Variants in SSBP3 observed in about 807,000 individuals in gnomAD.
SSBP3 encodes single stranded DNA binding protein 3.
In SSBP3, 5 loss-of-function variants were observed where a neutral mutation model predicts 69.6. The ratio of observed to expected loss-of-function variants is 0.07; its 90% CI spans 0.04 to 0.15. The LOEUF (loss-of-function observed/expected upper bound fraction) is 0.15, where lower values mean the gene tolerates loss of function less well. SSBP3 is among the 10% of genes least tolerant of loss of function. The pLI is 1.00. For synonymous variants in SSBP3, 196 were observed against 193.4 expected (o/e 1.01, Z -0.11); for missense variants, 312 against 534.0 (o/e 0.58, Z 4.10).
chr1:54,291,359 A>G (rs915354983), intron 4 of SSBP3, among the ~76,000 whole-genome samples: 2 of 152,134 alleles, frequency 1.3e-5, no homozygotes, highest in Non-Finnish European at 2.9e-5. Context: ...GAAGGGGCGC[A>G]TAATTCAAAC....
rs377297815 is a variant in SSBP3 at position 54,353,285 on chromosome 1, T to G, written c.276+48576A>C. 3.9e-5 allele frequency among the ~76,000 whole-genome samples: 6 copies of G among 152,284 alleles called. No individual in the cohort carries two copies. The East Asian group carries it at 1.2e-3, about 29-fold the overall frequency. ...TTCTTTCCGTCGAAATCAGGCCCAT[T>G]GCGAGGGGAAAAACTGCAGGCCAAA... On this transcript the variant is annotated intron_variant, in intron 4 of 17. Coordinates refer to ENST00000610401, the Ensembl canonical transcript of SSBP3.
chr1:54,262,028 C>A (rs1645024928), intron 5 of SSBP3, among the ~76,000 whole-genome samples: 1 of 152,200 alleles, frequency 6.6e-6, no homozygotes, highest in Admixed American at 6.5e-5. Context: ...TACCCCAGGG[C>A]TCTCCTCAAA....
At chr1:54,271,861 C>T (rs370774919) in intron 5 of SSBP3, among the ~76,000 whole-genome samples, 2 of 152,294 alleles carry the variant, frequency 1.3e-5, no homozygotes, top group East Asian at 3.9e-4. Flanking sequence ...CCTCTGCCTC[C>T]TGGGTTCAAG....
chr1:54,272,965 GC>G (rs1645221410), intron 5 of SSBP3, among the ~76,000 whole-genome samples: 1 of 152,218 alleles, frequency 6.6e-6, no homozygotes, highest in African/African-American at 2.4e-5. Flanking sequence ...AGTCCAAGAG[GC>G]CAGAGACTCC....
At chr1:54,313,385 G>A (rs1217186112) in intron 4 of SSBP3, among the ~76,000 whole-genome samples, 1 of 148,848 alleles carries the variant, frequency 6.7e-6, no homozygotes, top group East Asian at 2.0e-4. Flanking sequence ...AGGCTTCCCT[G>A]CTCCTCAGCC....
At chr1:54,354,631 G>C (rs983062777) in intron 4 of SSBP3, among the ~76,000 whole-genome samples, 1 of 152,076 alleles carries the variant, frequency 6.6e-6, no homozygotes, top group Non-Finnish European at 1.5e-5. Flanking sequence ...TGGGGAGGGG[G>C]AGTGAGCCAC....
chr1:54,355,763 T>A (rs1163397464), intron 4 of SSBP3, among the ~76,000 whole-genome samples: 1 of 152,222 alleles, frequency 6.6e-6, no homozygotes, highest in South Asian at 2.1e-4. Context: ...TTACGTGAGG[T>A]GGTGTTTCAA....
intron 4 of SSBP3, among the ~76,000 whole-genome samples, chr1:54,366,680 T>A (rs905469524): frequency 6.6e-6 from 1 of 152,200 alleles, no homozygotes; most frequent in African/African-American, 2.4e-5. Flanking sequence ...TCACTTCTTA[T>A]TTTATATACC....
chr1:54,410,998 T>G (rs921501916), upstream of SSBP3, among the ~76,000 whole-genome samples: 1 of 152,222 alleles, frequency 6.6e-6, no homozygotes, highest in Admixed American at 6.5e-5. Context: ...TGGATTTAAA[T>G]TTAAAATCAA....
Position 54,344,607 on chromosome 1 carries a change from G to A in SSBP3, c.276+57254C>T, listed in dbSNP as rs1023031821. ...CCTCTTAACACACTCGGTGTCGTCA[G>A]TACAGGCAAGGCCTTGTAAAGAGAG... On this transcript the variant is annotated intron_variant, in intron 4 of 17. Coordinates refer to ENST00000610401, the Ensembl canonical transcript of SSBP3. 2.6e-5 allele frequency among the ~76,000 whole-genome samples: 4 copies of A among 152,246 alleles called. 1 individual carries two copies. The highest frequency in any genetic ancestry group is 2.6e-4 in the Admixed American group (4 of 15,282).
At chr1:54,410,631 C>T (rs1649963682), upstream of SSBP3, among the ~76,000 whole-genome samples, 1 of 152,194 alleles carries the variant, frequency 6.6e-6, no homozygotes. Flanking sequence ...CCTGAGGGAT[C>T]GGGGGCCTCC....
chr1:54,235,548 C>T (rs1426143524), intron 14 of SSBP3, among the ~76,000 whole-genome samples: 1 of 149,298 alleles, frequency 6.7e-6, no homozygotes, highest in East Asian at 2.0e-4. Context: ...CTCCGCCTCC[C>T]GGGTTCAAGC....
chr1:54,410,251 C>T (rs1183286779), upstream of SSBP3, among the ~76,000 whole-genome samples: 2 of 152,200 alleles, frequency 1.3e-5, no homozygotes, highest in Admixed American at 1.3e-4. Context: ...AAGGGCCGCT[C>T]CTTCCTCTCT....
chr1:54,301,172 A>T (rs1318767165), intron 4 of SSBP3, among the ~76,000 whole-genome samples: 1 of 152,214 alleles, frequency 6.6e-6, no homozygotes, highest in Non-Finnish European at 1.5e-5. Flanking sequence ...CCTGCATCTC[A>T]TCTTTTACCA....
intron 4 of SSBP3, among the ~76,000 whole-genome samples, chr1:54,298,001 G>A (rs1034864077): frequency 6.6e-6 from 1 of 152,118 alleles, no homozygotes; most frequent in African/African-American, 2.4e-5. Flanking sequence ...CAGGTTCTGG[G>A]GATGGCTGGG....
At chr1:54,374,893 A>G (rs1647191889) in intron 4 of SSBP3, among the ~76,000 whole-genome samples, 1 of 152,204 alleles carries the variant, frequency 6.6e-6, no homozygotes, top group African/African-American at 2.4e-5. Flanking sequence ...GCCGAAGCAC[A>G]AGCACCACTC....
intron 5 of SSBP3, among the ~76,000 whole-genome samples, chr1:54,260,469 T>C (rs1644998537): frequency 6.6e-6 from 1 of 152,204 alleles, no homozygotes; most frequent in African/African-American, 2.4e-5. Context: ...CAAGGGCGTG[T>C]GGCGCACACG....
intron 17 of SSBP3, 119 bp from the exon 18 acceptor site, chr1:54,227,279 T>G: frequency 1.4e-6 from 1 of 710,752 alleles, no homozygotes; most frequent in Non-Finnish European, 2.6e-6. Flanking sequence ...TTTGGGGATG[T>G]GGTTGAGCTG....
intron 4 of SSBP3, among the ~76,000 whole-genome samples, chr1:54,400,953 G>A (rs1411382313): frequency 1.3e-5 from 2 of 152,200 alleles, no homozygotes; most frequent in South Asian, 2.1e-4. Flanking sequence ...ACTGCACACA[G>A]AAGAGCAAGA....
Sources: allele counts gnomAD v4.1 joint callset (sites outside exome capture counted in the v4.1 genomes callset), GRCh38; gene constraint gnomAD v4.1.1; transcripts MANE v1.5; gene names NCBI Gene and HGNC (gene_info 2026-07-23, HGNC 2026-07-21).